HMGA2: variants seen among roughly 807,000 people sequenced by gnomAD.
HMGA2 encodes the protein high mobility group AT-hook 2.
HMGA2 carries 8 observed loss-of-function variants against 19.1 expected under a neutral mutation model. That is an observed-to-expected ratio of 0.42 (90% CI 0.25 to 0.76). The LOEUF (loss-of-function observed/expected upper bound fraction) is 0.76, where lower values mean the gene tolerates loss of function less well. Among genes scored for constraint, HMGA2 ranks in the 30% least tolerant of loss-of-function variants. The pLI is 0.28. For missense variants in HMGA2, 109 were observed against 136.3 expected (o/e 0.80, Z 1.00); for synonymous variants, 60 against 48.8 (o/e 1.23, Z -0.96).
intron 3 of HMGA2, among the ~76,000 whole-genome samples, chr12:65,904,252 T>TG (rs1281183897): frequency 6.6e-6 from 1 of 152,238 alleles, no homozygotes; most frequent in Non-Finnish European, 1.5e-5. Context: ...GTTCCTTGGC[T>TG]CGTTGAGTGA....
intron 3 of HMGA2, chr12:65,842,085 G>T: frequency 7.8e-7 from 1 of 1,288,050 alleles, no homozygotes; most frequent in South Asian, 1.2e-5. Flanking sequence ...TGTGTGTGTA[G>T]AAGAGGCTAG....
intron 3 of HMGA2, among the ~76,000 whole-genome samples, chr12:65,890,075 C>A (rs1469988774): frequency 6.6e-6 from 1 of 152,104 alleles, no homozygotes; most frequent in Non-Finnish European, 1.5e-5. Flanking sequence ...AGCAAAGAAC[C>A]TTACAAATTC....
At chr12:65,944,073 C>T (rs770551972) in intron 3 of HMGA2, among the ~76,000 whole-genome samples, 1 of 152,180 alleles carries the variant, frequency 6.6e-6, no homozygotes, top group Non-Finnish European at 1.5e-5. Context: ...AATGTTGCAT[C>T]AACATTTGAT....
intron 3 of HMGA2, among the ~76,000 whole-genome samples, chr12:65,848,520 G>A (rs1432497223): frequency 6.6e-6 from 1 of 152,208 alleles, no homozygotes; most frequent in Non-Finnish European, 1.5e-5. Flanking sequence ...CAACATGGGA[G>A]TAAGTACTTC....
chr12:65,926,352 C>G (rs746156536), intron 3 of HMGA2, among the ~76,000 whole-genome samples: 1 of 152,176 alleles, frequency 6.6e-6, no homozygotes, highest in Non-Finnish European at 1.5e-5. Flanking sequence ...ACTCCAGTTA[C>G]CTTGGAACAA....
Position 65,966,171 on chromosome 12 carries a change from G to C in HMGA2, c.*2879G>C, listed in dbSNP as rs1312212879. 9.9e-6 allele frequency: 2 copies of C among 202,186 alleles called. No homozygotes were observed. Among genetic ancestry groups the C allele is most frequent in the Non-Finnish European group, 2.0e-5 (2 of 98,176 alleles). The allele number at this position is 202,186 out of a possible 1,614,324, so 12.5% of individuals were successfully genotyped here. A position where few individuals can be genotyped will look rare whatever the true frequency, so the allele number is the denominator to read the frequency against. On this transcript the variant is annotated 3_prime_UTR_variant, in exon 5 of 5. Coordinates refer to ENST00000403681, the MANE Select transcript of HMGA2 (RefSeq NM_003483.6). Reference sequence around the variant, plus strand: ...CTTGCTTGTTGAAAATATTTCTCTAGTGTATTATCACTGTCTGTTCTGCAC... The same window carrying C: ...CTTGCTTGTTGAAAATATTTCTCTACTGTATTATCACTGTCTGTTCTGCAC...
At chr12:65,842,915 C>T in intron 3 of HMGA2, 1 of 1,186,092 alleles carries the variant, frequency 8.4e-7, no homozygotes, top group Non-Finnish European at 1.0e-6. Context: ...AAGTTGTTAA[C>T]CTCATGTATA....
In HMGA2 at chr12:65,965,522, CCTCTCTGAGACTGGCAGATCG is replaced by C. The variant is rs1386463187; in HGVS notation, c.*2234_*2254del. On this transcript the variant is annotated 3_prime_UTR_variant, in exon 5 of 5. Transcript: ENST00000403681. ...GGGAGGTAGTTTCAAAGGCCACATA[CCTCTCTGAGACTGGCAGATCG>C]CTCACTGTTGTGAATCACCAAAGGA... is the stretch of plus-strand genomic sequence containing the variant. 9.5e-6 allele frequency: 2 copies of C among 209,652 alleles called. No homozygotes were observed. The highest frequency in any genetic ancestry group is 5.9e-5 in the Admixed American group (1 of 16,960). The allele number at this position is 209,652 out of a possible 1,614,324, so 13.0% of individuals were successfully genotyped here.
chr12:65,871,536 T>C (rs1240825615), intron 3 of HMGA2, among the ~76,000 whole-genome samples: 2 of 152,224 alleles, frequency 1.3e-5, no homozygotes, highest in East Asian at 3.8e-4. Flanking sequence ...TATTATTTGT[T>C]TTCCTTCTCA....
chr12:65,904,478 A>G (rs1874502876), intron 3 of HMGA2, among the ~76,000 whole-genome samples: 1 of 152,184 alleles, frequency 6.6e-6, no homozygotes, highest in Non-Finnish European at 1.5e-5. Flanking sequence ...GTTCCTTAGC[A>G]ATTGTTCTTT....
chr12:65,906,175 C>A (rs1216662775), intron 3 of HMGA2, among the ~76,000 whole-genome samples: 1 of 152,046 alleles, frequency 6.6e-6, no homozygotes, highest in Non-Finnish European at 1.5e-5. Flanking sequence ...TCCAATAAAC[C>A]AGTTTTTATA....
intron 3 of HMGA2, among the ~76,000 whole-genome samples, chr12:65,863,873 A>G (rs1197169298): frequency 6.6e-6 from 1 of 152,230 alleles, no homozygotes; most frequent in African/African-American, 2.4e-5. Flanking sequence ...ACTTTGGCTA[A>G]GCGATTTTAG....
intron 3 of HMGA2, chr12:65,857,916 G>A (rs911593801): frequency 2.0e-5 from 3 of 152,614 alleles, no homozygotes; most frequent in African/African-American, 7.2e-5. Flanking sequence ...CTCAGTGGTG[G>A]CCTATTAACT....
chr12:65,885,550 T>C (rs998186916), intron 3 of HMGA2, among the ~76,000 whole-genome samples: 3 of 152,212 alleles, frequency 2.0e-5, no homozygotes, highest in African/African-American at 7.2e-5. Context: ...CATTTGCTTA[T>C]TTTCTTGTGC....
intron 3 of HMGA2, chr12:65,881,340 G>T: frequency 5.1e-6 from 1 of 196,890 alleles, no homozygotes; most frequent in Non-Finnish European, 1.1e-5. Context: ...TCGGCTGTTT[G>T]TATCTCCAGA....
chr12:65,962,933 T>C (rs1876793512), intron 4 of HMGA2, among the ~76,000 whole-genome samples: 1 of 152,180 alleles, frequency 6.6e-6, no homozygotes, highest in Non-Finnish European at 1.5e-5. Context: ...TCCTACTTTT[T>C]TTCTAATTGG....
intron 3 of HMGA2, among the ~76,000 whole-genome samples, chr12:65,931,879 C>T (rs546131531): frequency 1.1e-3 from 164 of 152,244 alleles, no homozygotes; most frequent in Non-Finnish European, 2.0e-3. Context: ...CATGCCCCTG[C>T]ACTCCAGCCT....
rs188187408 is a variant in HMGA2, at chr12:65,918,935, A to G, written c.250-32448A>G. Among the ~76,000 whole-genome samples, 32 of 152,296 alleles carry G rather than the reference A, an allele frequency of 2.1e-4. 2 individuals carry two copies. The East Asian group carries it at 5.2e-3, about 25-fold the overall frequency. Reference sequence around the variant, plus strand: ...TGGAGATACCAGTGGGCTGACTACAATTTTCAAAGCACCTTGAGATGTAAA... The same window carrying G: ...TGGAGATACCAGTGGGCTGACTACAGTTTTCAAAGCACCTTGAGATGTAAA... On this transcript the variant is annotated intron_variant, in intron 3 of 4. Transcript: ENST00000403681.
intron 2 of HMGA2, chr12:65,831,199 G>A (rs1870460442): frequency 6.6e-6 from 1 of 151,694 alleles, no homozygotes; most frequent in African/African-American, 2.4e-5. Flanking sequence ...TGCTTTCCTG[G>A]TTGTGGTGGA....
Sources: allele counts gnomAD v4.1 joint callset (sites outside exome capture counted in the v4.1 genomes callset), GRCh38; gene constraint gnomAD v4.1.1; transcripts MANE v1.5; gene names NCBI Gene and HGNC (gene_info 2026-07-23, HGNC 2026-07-21).